Variants in C2CD3 observed in about 807,000 individuals in gnomAD.
C2CD3 encodes C2 domain-containing protein 3.
In C2CD3, 148 loss-of-function variants were observed where a neutral mutation model predicts 234.0. The ratio of observed to expected loss-of-function variants is 0.63; its 90% confidence interval spans 0.55 to 0.72. The LOEUF (loss-of-function observed/expected upper bound fraction) is 0.72, where lower values mean the gene tolerates loss of function less well. Among genes scored for constraint, C2CD3 ranks in the 30% least tolerant of loss-of-function variants. The pLI, the probability that C2CD3 is intolerant of heterozygous loss-of-function variation, is 0.00. For missense variants in C2CD3, 2,577 were observed against 2,811.5 expected (o/e 0.92, Z 1.89); for synonymous variants, 1,000 against 1,035.4 (o/e 0.97, Z 0.66).
chr11:74,056,276 C>G (rs1953945382), intron 25 of C2CD3, among the ~76,000 whole-genome samples: 1 of 152,168 alleles, frequency 6.6e-6, no homozygotes, highest in Admixed American at 6.5e-5. Flanking sequence ...AGTATAAATT[C>G]TAACAATGAT....
chr11:74,061,116 T>C lies in C2CD3; in HGVS notation c.4952-3572A>G, dbSNP rs530383050. On this transcript the variant is annotated intron_variant, in intron 24 of 32. Coordinates refer to ENST00000334126, the MANE Select transcript of C2CD3 (RefSeq NM_001286577.2). ...AAATGAACAAAGCCTCCAAGAAATA[T>C]GGGACTATGTGAAAAGACCAAGTCT... is the stretch of plus-strand genomic sequence containing the variant. Among the ~76,000 whole-genome samples, 11 of 152,264 alleles carry C rather than the reference T, an allele frequency of 7.2e-5. No homozygotes were observed. The East Asian group carries it at 1.9e-3, about 27-fold the overall frequency.
At chr11:74,088,555 C>T (rs1469385161) in intron 20 of C2CD3, among the ~76,000 whole-genome samples, 1 of 152,190 alleles carries the variant, frequency 6.6e-6, no homozygotes, top group African/African-American at 2.4e-5. Flanking sequence ...TGCCTGTCAT[C>T]CAATCTGACT....
At chr11:74,093,487 AAAAGGGCCTGAACTAAATAAGGCAGTAAG>A in intron 18 of C2CD3, among the ~76,000 whole-genome samples, 1 of 151,958 alleles carries the variant, frequency 6.6e-6, no homozygotes, top group East Asian at 1.9e-4. Context: ...GCAAGATATG[AAAAGGGCCTGAACTAAATAAGGCAGTAAG>A]GGACGCACAA....
chr11:74,104,090 T>C (rs1422075519), intron 13 of C2CD3, among the ~76,000 whole-genome samples: 2 of 152,190 alleles, frequency 1.3e-5, no homozygotes, highest in Non-Finnish European at 2.9e-5. Flanking sequence ...AAAGAGACGG[T>C]AGAGTTAGAA....
Position 74,138,936 on chromosome 11 carries a change from G to C in C2CD3, c.739C>G (p.Pro247Ala), listed in dbSNP as rs1470973696. 1.4e-5 allele frequency: 22 copies of C among 1,612,082 alleles called. No homozygotes were observed. The highest frequency in any genetic ancestry group is 1.9e-5 in the Non-Finnish European group (22 of 1,178,420). ...GKDHVCFAEN[P>A]DTIKDSSFGL... Reference sequence around the variant, plus strand: ...AAGGAAGAATCCTTTATTGTATCAGGGTTCTCTGCAAAGCATACATGGTCT... The same window carrying C: ...AAGGAAGAATCCTTTATTGTATCAGCGTTCTCTGCAAAGCATACATGGTCT... Residue 247 changes from proline (P) to alanine (A), a missense_variant, in exon 5 of 33, where the codon CCT becomes GCT. Transcript: ENST00000334126.
chr11:74,023,617 C>A (rs1423477052), intron 32 of C2CD3, among the ~76,000 whole-genome samples: 1 of 152,174 alleles, frequency 6.6e-6, no homozygotes, highest in Non-Finnish European at 1.5e-5. Context: ...AAGGCCAATA[C>A]CTCCATGTGT....
intron 16 of C2CD3, among the ~76,000 whole-genome samples, chr11:74,097,722 C>T (rs1590794171): frequency 6.6e-6 from 1 of 152,198 alleles, no homozygotes; most frequent in African/African-American, 2.4e-5. Flanking sequence ...TCTCCACTCC[C>T]AATCTTTTTT....
intron 20 of C2CD3, among the ~76,000 whole-genome samples, chr11:74,089,331 C>T (rs1276543675): frequency 2.0e-5 from 3 of 152,064 alleles, no homozygotes; most frequent in East Asian, 1.9e-4. Context: ...AACAAACAAA[C>T]GAAACACACC....
intron 30 of C2CD3, 102 bp from the exon 31 acceptor site, chr11:74,034,380 T>C: frequency 2.0e-6 from 3 of 1,487,148 alleles, no homozygotes; most frequent in Non-Finnish European, 2.7e-6. Flanking sequence ...GCAATCAGAC[T>C]CTGAACAAAC....
In C2CD3 at chr11:74,155,075, G is replaced by A. The variant is rs140027704; in HGVS notation, c.483+6324C>T. 6.6e-5 allele frequency among the ~76,000 whole-genome samples: 10 copies of A among 152,288 alleles called. No individual in the cohort carries two copies. In the East Asian group the frequency reaches 1.7e-3, roughly 26 times the overall value. ...AGACATATTTGCCTTTAAGAGTCCTGTTCCTGGCAGGCCTCCACAGGCTCC... is the reference window on the plus strand; with the variant it reads ...AGACATATTTGCCTTTAAGAGTCCTATTCCTGGCAGGCCTCCACAGGCTCC... On this transcript the variant is annotated intron_variant, in intron 3 of 32. Transcript: ENST00000334126.
chr11:74,064,204 A>C (rs1160892195), intron 24 of C2CD3, among the ~76,000 whole-genome samples: 1 of 151,996 alleles, frequency 6.6e-6, no homozygotes, highest in Non-Finnish European at 1.5e-5. Context: ...AGTTTCATCC[A>C]TGTCCCTATA....
chr11:74,141,340 C>T (rs1958042542), intron 3 of C2CD3, among the ~76,000 whole-genome samples: 2 of 152,204 alleles, frequency 1.3e-5, no homozygotes, highest in African/African-American at 2.4e-5. Flanking sequence ...GGGATGAATA[C>T]TATGTGCAGT....
chr11:74,085,993 A>T, intron 20 of C2CD3, 107 bp from the exon 21 acceptor site: 1 of 1,115,568 alleles, frequency 9.0e-7, no homozygotes, highest in East Asian at 2.6e-5. Context: ...CCAAGAATAA[A>T]ACCAACTATA....
intron 24 of C2CD3, chr11:74,070,679 C>T (rs979829281): frequency 5.3e-5 from 8 of 152,136 alleles, no homozygotes; most frequent in African/African-American, 1.9e-4. Flanking sequence ...GACCTTGCCT[C>T]TCCACAGATT....
intron 2 of C2CD3, among the ~76,000 whole-genome samples, chr11:74,166,226 C>T (rs1316976851): frequency 4.0e-5 from 6 of 150,878 alleles, no homozygotes; most frequent in South Asian, 2.1e-4. Context: ...AGGAGAATGG[C>T]GTGAACCCAG....
intron 28 of C2CD3, among the ~76,000 whole-genome samples, chr11:74,045,434 G>A (rs1366303061): frequency 6.6e-6 from 1 of 152,226 alleles, no homozygotes; most frequent in Non-Finnish European, 1.5e-5. Flanking sequence ...CACAAAGCCA[G>A]CAGGAATTTT....
At chr11:74,118,853 T>C (rs907825080) in intron 8 of C2CD3, among the ~76,000 whole-genome samples, 1 of 151,840 alleles carries the variant, frequency 6.6e-6, no homozygotes, top group Non-Finnish European at 1.5e-5. Context: ...ATTTCTACCA[T>C]AGTTTGAGGC....
chr11:74,072,611 C>G (rs1954850092), intron 24 of C2CD3, among the ~76,000 whole-genome samples: 1 of 152,142 alleles, frequency 6.6e-6, no homozygotes. Flanking sequence ...GAATACCTTG[C>G]TCAAAGTCAC....
At chr11:74,119,711 C>T (rs1957148833) in intron 8 of C2CD3, among the ~76,000 whole-genome samples, 1 of 151,160 alleles carries the variant, frequency 6.6e-6, no homozygotes. Context: ...TCTCCGCTCA[C>T]TGCAACCTCT....
Sources: gnomAD v4.1 joint callset for allele counts (sites outside exome capture counted in the v4.1 genomes callset) on GRCh38, gnomAD v4.1.1 for gene constraint, MANE v1.5 for transcripts, NCBI Gene and HGNC (gene_info 2026-07-23, HGNC 2026-07-21) for gene names.